Variants in PHKB observed in about 807,000 individuals in gnomAD.
The protein encoded by PHKB is phosphorylase b kinase regulatory subunit beta.
PHKB carries 122 observed loss-of-function variants against 152.1 expected under a neutral mutation model. The observed-to-expected ratio is 0.80, with a 90% CI of 0.69 to 0.93. The LOEUF (loss-of-function observed/expected upper bound fraction) is 0.93, where lower values mean the gene tolerates loss of function less well. Among genes scored for constraint, PHKB ranks in the 40% least tolerant of loss-of-function variants. The pLI is 0.00. For synonymous variants in PHKB, 436 were observed against 464.9 expected, an observed-to-expected ratio of 0.94 and a Z score of 0.80; for missense variants, 1,304 against 1,328.4, an observed-to-expected ratio of 0.98 and a Z score of 0.29.
At chr16:47,599,078 G>A in intron 13 of PHKB, 1 of 580,018 alleles carries the variant, frequency 1.7e-6, no homozygotes, top group Non-Finnish European at 3.0e-6. Context: ...GTTATCTCTG[G>A]TTAGAATGTT....
chr16:47,666,946 T>C (rs2151739858), intron 25 of PHKB, among the ~76,000 whole-genome samples: 2 of 152,344 alleles, frequency 1.3e-5, no homozygotes, highest in Middle Eastern at 6.8e-3. Flanking sequence ...TCTGGGGATA[T>C]AATAATCTTT....
chr16:47,587,192 G>A (rs923049439), intron 8 of PHKB, among the ~76,000 whole-genome samples: 4 of 152,030 alleles, frequency 2.6e-5, no homozygotes, highest in Admixed American at 2.6e-4. Context: ...TTGCTTTATT[G>A]TTATTTGAGA....
chr16:47,474,924 A>G (rs1969842790), intron 1 of PHKB, among the ~76,000 whole-genome samples: 1 of 151,984 alleles, frequency 6.6e-6, no homozygotes, highest in Non-Finnish European at 1.5e-5. Flanking sequence ...GGGTTTCACC[A>G]TTTTGGCCAG....
chr16:47,533,583 C>T lies in PHKB; in HGVS notation c.595-13850C>T, dbSNP rs142033527. 8.8e-4 allele frequency among the ~76,000 whole-genome samples: 134 copies of T among 152,272 alleles called. 1 individual carries two copies. Among genetic ancestry groups the T allele is most frequent in the Middle Eastern group, 6.8e-3 (2 of 294 alleles). ...CTGCAGGGGGCTGGCATGTTTGCAC[C>T]GCCCTGAGCATGTGCACACTTGGCT... On this transcript the variant is annotated intron_variant, in intron 6 of 30. Coordinates refer to ENST00000323584, the MANE Select transcript of PHKB (RefSeq NM_000293.3).
rs1335159110 is a variant in PHKB, at chr16:47,522,539, TA to T, written c.594+6939del. Among the ~76,000 whole-genome samples, 6 of 151,818 alleles carry T rather than the reference TA, an allele frequency of 4.0e-5. No homozygotes were observed. The South Asian group carries it at 1.2e-3, about 31-fold the overall frequency. On this transcript the variant is annotated intron_variant, in intron 6 of 30. Coordinates refer to ENST00000323584, the MANE Select transcript of PHKB (RefSeq NM_000293.3). ...TTATTTTTCTCTTCTCCATTTTATTTATTTTTTTTTTAGTCTTTATTATTTT... is the reference window on the plus strand; with the variant it reads ...TTATTTTTCTCTTCTCCATTTTATTTTTTTTTTTTTAGTCTTTATTATTTT...
chr16:47,518,868 C>A (rs552651283), intron 6 of PHKB, among the ~76,000 whole-genome samples: 1 of 152,068 alleles, frequency 6.6e-6, no homozygotes, highest in South Asian at 2.1e-4. Context: ...TGCTACGTGG[C>A]GTTCCATGTC....
intron 26 of PHKB, among the ~76,000 whole-genome samples, chr16:47,674,991 C>G (rs541849314): frequency 6.6e-6 from 1 of 152,204 alleles, no homozygotes; most frequent in African/African-American, 2.4e-5. Context: ...ACTTAAGTGA[C>G]TATCTCAGGC....
At chr16:47,514,947 CATT>C (rs1238400739) in intron 5 of PHKB, among the ~76,000 whole-genome samples, 2 of 152,132 alleles carry the variant, frequency 1.3e-5, no homozygotes, top group African/African-American at 4.8e-5. Flanking sequence ...ATACCATTAA[CATT>C]AATATGTTCC....
intron 1 of PHKB, among the ~76,000 whole-genome samples, chr16:47,473,050 T>TTTTTG (rs1555468487): frequency 6.6e-6 from 1 of 150,762 alleles, no homozygotes; most frequent in Non-Finnish European, 1.5e-5. Context: ...GTGTTTTTTT[T>TTTTTG]TTTGTTTGTT....
intron 25 of PHKB, among the ~76,000 whole-genome samples, chr16:47,666,952 T>C (rs1337596269): frequency 6.6e-6 from 1 of 152,198 alleles, no homozygotes; most frequent in Non-Finnish European, 1.5e-5. Context: ...GATATAATAA[T>C]CTTTAGTAAT....
intron 4 of PHKB, among the ~76,000 whole-genome samples, chr16:47,504,042 G>A (rs567703928): frequency 1.4e-4 from 22 of 152,244 alleles, no homozygotes; most frequent in African/African-American, 5.3e-4. Context: ...CCATCCACAG[G>A]TTTGATGCTT....
At chr16:47,699,037 G>C (rs1974203565) in intron 30 of PHKB, 192 bp from the exon 31 acceptor site, 1 of 612,774 alleles carries the variant, frequency 1.6e-6, no homozygotes, top group Admixed American at 2.9e-5. Context: ...CAACAAAGGA[G>C]AGAATACTAA....
chr16:47,523,722 T>C (rs558507743), intron 6 of PHKB, among the ~76,000 whole-genome samples: 21 of 152,276 alleles, frequency 1.4e-4, no homozygotes, highest in African/African-American at 4.3e-4. Flanking sequence ...TTAAGAAGAT[T>C]TGTTTTAGGC....
At chr16:47,581,634 A>C (rs1479905699) in intron 8 of PHKB, among the ~76,000 whole-genome samples, 2 of 152,220 alleles carry the variant, frequency 1.3e-5, no homozygotes, top group Admixed American at 6.5e-5. Flanking sequence ...AGTGCTTTGC[A>C]GAGATTAAAC....
chr16:47,464,145 A>G (rs1969626054), intron 1 of PHKB: 1 of 673,740 alleles, frequency 1.5e-6, no homozygotes, highest in Non-Finnish European at 2.7e-6. Context: ...TTAACTTTGC[A>G]TTGTGTTTTG....
intron 14 of PHKB, among the ~76,000 whole-genome samples, chr16:47,627,821 G>A (rs554331578): frequency 3.3e-4 from 50 of 152,216 alleles, no homozygotes; most frequent in Admixed American, 2.9e-3. Flanking sequence ...AGATGCCAGT[G>A]TGTCTCAGTC....
chr16:47,593,008 T>A (rs1172019615), intron 10 of PHKB, among the ~76,000 whole-genome samples: 1 of 151,508 alleles, frequency 6.6e-6, no homozygotes, highest in East Asian at 1.9e-4. Flanking sequence ...CCCAGCACTT[T>A]GGGAGGCCAA....
rs540538574 is a variant in PHKB, at chr16:47,558,406, A to T, written c.710+10858A>T. ...ATAATAATAAAATAAAAATAAATTT[A>T]AAAAAATGTGAGGTCATGTTATGAT... On this transcript the variant is annotated intron_variant, in intron 7 of 30. Coordinates refer to ENST00000323584, the MANE Select transcript of PHKB (RefSeq NM_000293.3). Among the ~76,000 whole-genome samples, 28 of 152,280 alleles carry T rather than the reference A, an allele frequency of 1.8e-4. 1 individual carries two copies. The highest frequency in any genetic ancestry group is 3.4e-4 in the African/African-American group (14 of 41,588).
intron 7 of PHKB, among the ~76,000 whole-genome samples, chr16:47,572,785 A>G (rs778732778): frequency 9.8e-5 from 15 of 152,350 alleles, no homozygotes; most frequent in Non-Finnish European, 1.8e-4. Context: ...GAACAGGCCC[A>G]AGGCCTCCTG....
Sources: gnomAD v4.1 joint callset for allele counts (sites outside exome capture counted in the v4.1 genomes callset) on GRCh38, gnomAD v4.1.1 for gene constraint, MANE v1.5 for transcripts, NCBI Gene and HGNC (gene_info 2026-07-23, HGNC 2026-07-21) for gene names.